The following COMMD6 variants were observed in gnomAD, a reference collection of about 807,000 sequenced individuals.
COMMD6 encodes COMM domain containing 6.
A neutral mutation model predicts 13.4 loss-of-function variants in COMMD6; 11 were observed. The observed-to-expected ratio is 0.82, with a 90% CI of 0.52 to 1.36. COMMD6 has a LOEUF of 1.36. Ranked by LOEUF, COMMD6 falls within the 40% of genes most tolerant of loss-of-function variation. The pLI, the probability that COMMD6 is intolerant of heterozygous loss-of-function variation, is 0.00. For synonymous variants in COMMD6, 43 were observed against 36.5 expected (o/e 1.18, Z -0.64); for missense variants, 124 against 102.4 (o/e 1.21, Z -0.91).
intron 2 of COMMD6, among the ~76,000 whole-genome samples, chr13:75,532,138 C>T (rs2030502392): frequency 1.3e-5 from 2 of 152,190 alleles, no homozygotes. Context: ...GAGAAGTGGG[C>T]ATTGATTGAA....
At chr13:75,533,894 C>G (rs1335712304) in intron 2 of COMMD6, among the ~76,000 whole-genome samples, 1 of 152,052 alleles carries the variant, frequency 6.6e-6, no homozygotes, top group Non-Finnish European at 1.5e-5. Context: ...GAACAGAATT[C>G]AGGAGAGTTC....
At chr13:75,543,115 G>A (rs1275317104), upstream of COMMD6, among the ~76,000 whole-genome samples, 1 of 152,164 alleles carries the variant, frequency 6.6e-6, no homozygotes, top group African/African-American at 2.4e-5. Context: ...ACTTATAAGT[G>A]GGAGCTAAAC....
chr13:75,532,157 T>C lies in COMMD6; in HGVS notation c.55-1891A>G, dbSNP rs2030503360. 6.6e-5 allele frequency among the ~76,000 whole-genome samples: 10 copies of C among 152,194 alleles called. No homozygotes were observed. In the South Asian group the frequency reaches 1.9e-3, roughly 28 times the overall value. The stretch of plus-strand genomic sequence containing the variant: ...AGTGGGCATTGATTGAAGAGGAGCA[T>C]CTGGTGGGCTTCTGGGGGACTGGTA... On this transcript the variant is annotated intron_variant, in intron 2 of 3. Coordinates refer to ENST00000682242, the MANE Select transcript of COMMD6 (RefSeq NM_203495.4).
At chr13:75,537,911 G>T, upstream of COMMD6, 1 of 1,188,906 alleles carries the variant, frequency 8.4e-7, no homozygotes, top group South Asian at 1.5e-5. Flanking sequence ...GGCGGACGTA[G>T]CAGGGGAAGC....
upstream of COMMD6, chr13:75,537,864 C>T: frequency 6.6e-7 from 1 of 1,520,860 alleles, no homozygotes; most frequent in South Asian, 1.3e-5. Context: ...CCAGCGCTTC[C>T]GCTTCCACGT....
At chr13:75,541,663 G>A (rs1460584521), upstream of COMMD6, among the ~76,000 whole-genome samples, 2 of 152,040 alleles carry the variant, frequency 1.3e-5, no homozygotes, top group African/African-American at 4.8e-5. Context: ...AGTAAAAGGG[G>A]TGAAAAGCCA....
intron 2 of COMMD6, among the ~76,000 whole-genome samples, chr13:75,535,227 AG>A (rs2030623027): frequency 6.6e-6 from 1 of 152,318 alleles, no homozygotes; most frequent in Admixed American, 6.5e-5. Context: ...AGGTGGCTGG[AG>A]GGGCATGAGC....
At chr13:75,537,853 A>C (rs1421585476), upstream of COMMD6, 10 of 1,540,242 alleles carry the variant, frequency 6.5e-6, no homozygotes, top group East Asian at 6.8e-5. Flanking sequence ...ACGCCCCCAG[A>C]CCAGCGCTTC....
At chr13:75,538,166 A>C (rs1431108727), upstream of COMMD6, among the ~76,000 whole-genome samples, 3 of 152,198 alleles carry the variant, frequency 2.0e-5, no homozygotes, top group African/African-American at 7.2e-5. Flanking sequence ...TCCCAACCAA[A>C]TTCGGAAGGC....
chr13:75,544,549 G>A (rs1304474874), intron 1 of COMMD6, among the ~76,000 whole-genome samples: 1 of 152,006 alleles, frequency 6.6e-6, no homozygotes, highest in Non-Finnish European at 1.5e-5. Flanking sequence ...CATCACTTGA[G>A]GTCAGGAGTT....
chr13:75,530,751 C>G (rs1292333812), intron 2 of COMMD6, among the ~76,000 whole-genome samples: 2 of 152,174 alleles, frequency 1.3e-5, no homozygotes, highest in African/African-American at 4.8e-5. Flanking sequence ...CAACATAACA[C>G]TATAGGTTAT....
At chr13:75,526,719 C>A (rs554841781) in intron 3 of COMMD6, 80 bp from the exon 4 acceptor site, 2 of 933,524 alleles carry the variant, frequency 2.1e-6, no homozygotes, top group Non-Finnish European at 1.7e-6. Flanking sequence ...ATCTGACTAC[C>A]GGAGACTATA....
chr13:75,535,896 T>C (rs1384703589), intron 2 of COMMD6, among the ~76,000 whole-genome samples: 1 of 152,186 alleles, frequency 6.6e-6, no homozygotes, highest in Non-Finnish European at 1.5e-5. Flanking sequence ...CCGTAATTTT[T>C]TTTTTTTAAG....
intron 2 of COMMD6, among the ~76,000 whole-genome samples, chr13:75,531,961 A>G (rs563116568): frequency 1.3e-5 from 2 of 152,368 alleles, no homozygotes; most frequent in African/African-American, 4.8e-5. Flanking sequence ...TGTTCAACAG[A>G]AATAAAATGG....
rs1019547165 is a variant in COMMD6 at position 75,525,454 on chromosome 13, CACG to C, written c.*1132_*1134del. On this transcript the variant is annotated 3_prime_UTR_variant, in exon 4 of 4. Coordinates refer to ENST00000682242, the MANE Select transcript of COMMD6 (RefSeq NM_203495.4). Reference sequence around the variant, plus strand: ...GGGTTTCTACTCTTATTTCTAGGAACACGACGACACTGGTTGTGGGAGGGAGAG... The same window carrying C: ...GGGTTTCTACTCTTATTTCTAGGAACACGACACTGGTTGTGGGAGGGAGAG... 1 of 152,338 alleles carries C rather than the reference CACG, an allele frequency of 6.6e-6. No homozygotes were observed. Among genetic ancestry groups the C allele is most frequent in the Non-Finnish European group, 1.5e-5 (1 of 68,044 alleles). The allele number at this position is 152,338 out of a possible 1,614,324, so 9.4% of individuals were successfully genotyped here. A position where few individuals can be genotyped will look rare whatever the true frequency, so the allele number is the denominator to read the frequency against.
chr13:75,532,794 A>G (rs1208893038), intron 2 of COMMD6, among the ~76,000 whole-genome samples: 1 of 152,224 alleles, frequency 6.6e-6, no homozygotes, highest in African/African-American at 2.4e-5. Flanking sequence ...AAAGCCAGTA[A>G]TTCCTTGCAA....
intron 3 of COMMD6, chr13:75,529,905 C>G: frequency 2.0e-6 from 1 of 503,980 alleles, no homozygotes; most frequent in Non-Finnish European, 3.5e-6. Context: ...TGGCGCAGTA[C>G]ACAACTTCAG....
upstream of COMMD6, among the ~76,000 whole-genome samples, chr13:75,538,365 A>G (rs933881097): frequency 6.6e-6 from 1 of 152,108 alleles, no homozygotes; most frequent in African/African-American, 2.4e-5. Context: ...TTGTCTTCCC[A>G]CCTCTTTCCT....
At chr13:75,549,083 A>C (rs1178232375) in intron 1 of COMMD6, among the ~76,000 whole-genome samples, 1 of 152,144 alleles carries the variant, frequency 6.6e-6, no homozygotes, top group Non-Finnish European at 1.5e-5. Flanking sequence ...TAATTCCAGC[A>C]CACTTCATGC....
Sources: gnomAD v4.1 joint callset for allele counts (sites outside exome capture counted in the v4.1 genomes callset) on GRCh38, gnomAD v4.1.1 for gene constraint, MANE v1.5 for transcripts, NCBI Gene and HGNC (gene_info 2026-07-23, HGNC 2026-07-21) for gene names.